LRMDA: variants seen among roughly 807,000 people sequenced by gnomAD.
LRMDA encodes leucine rich melanocyte differentiation associated.
Under a neutral mutation model 29.8 loss-of-function variants are expected in LRMDA, and 18 were observed. The observed-to-expected ratio is 0.60, with a 90% CI of 0.42 to 0.90. The LOEUF (loss-of-function observed/expected upper bound fraction) is 0.90, where lower values mean the gene tolerates loss of function less well. LRMDA is among the 40% of genes least tolerant of loss of function. LRMDA has a pLI of 0.00. For missense variants in LRMDA, 273 were observed against 273.9 expected, an observed-to-expected ratio of 1.00 and a Z score of 0.02; for synonymous variants, 125 against 109.4, an observed-to-expected ratio of 1.14 and a Z score of -0.89.
chr10:75,975,640 A>C (rs1477154011), intron 2 of LRMDA, among the ~76,000 whole-genome samples: 1 of 152,152 alleles, frequency 6.6e-6, no homozygotes, highest in Non-Finnish European at 1.5e-5. Flanking sequence ...TTGAACTCTG[A>C]ACGATGCACA....
chr10:75,726,509 C>T (rs867141160), intron 2 of LRMDA, among the ~76,000 whole-genome samples: 5 of 152,250 alleles, frequency 3.3e-5, no homozygotes, highest in Middle Eastern at 6.8e-3. Flanking sequence ...CTTGTTATGC[C>T]TGAGTGGTTT....
chr10:75,521,429 C>T (rs1218867585), intron 2 of LRMDA, among the ~76,000 whole-genome samples: 1 of 152,252 alleles, frequency 6.6e-6, no homozygotes, highest in Non-Finnish European at 1.5e-5. Flanking sequence ...ACGCCCCTCC[C>T]CCTGCCTGAC....
intron 2 of LRMDA, among the ~76,000 whole-genome samples, chr10:75,641,920 A>G (rs963003075): frequency 6.6e-6 from 1 of 152,182 alleles, no homozygotes; most frequent in South Asian, 2.1e-4. Flanking sequence ...TTGTCAGGCC[A>G]TGAAGTTTAA....
intron 2 of LRMDA, among the ~76,000 whole-genome samples, chr10:75,810,155 G>A (rs942230742): frequency 4.6e-5 from 7 of 152,362 alleles, no homozygotes; most frequent in African/African-American, 1.4e-4. Flanking sequence ...AGGGGCCAGC[G>A]TAGCTGGAGT....
At chr10:75,862,263 A>C (rs139074854) in intron 2 of LRMDA, among the ~76,000 whole-genome samples, 2 of 151,792 alleles carry the variant, frequency 1.3e-5, no homozygotes, top group Non-Finnish European at 1.5e-5. Flanking sequence ...CATATCTGAG[A>C]AGTTGGTGTT....
intron 5 of LRMDA, among the ~76,000 whole-genome samples, chr10:76,151,199 A>G (rs1169704034): frequency 3.3e-5 from 5 of 152,106 alleles, no homozygotes; most frequent in African/African-American, 7.2e-5. Context: ...GGTGACTTTT[A>G]CACCCTCCAG....
At chr10:75,930,397 A>G (rs1209679933) in intron 2 of LRMDA, among the ~76,000 whole-genome samples, 1 of 152,200 alleles carries the variant, frequency 6.6e-6, no homozygotes, top group Non-Finnish European at 1.5e-5. Context: ...ACTGCAGGTG[A>G]GAGCATAGAT....
chr10:76,406,637 T>C (rs1240083437), intron 6 of LRMDA, among the ~76,000 whole-genome samples: 1 of 152,138 alleles, frequency 6.6e-6, no homozygotes, highest in Non-Finnish European at 1.5e-5. Flanking sequence ...TAGAGTTGGC[T>C]ATGACATCTG....
At chr10:76,532,869 T>C (rs1429727829) in intron 6 of LRMDA, among the ~76,000 whole-genome samples, 1 of 152,164 alleles carries the variant, frequency 6.6e-6, no homozygotes, top group Admixed American at 6.5e-5. Flanking sequence ...AAAAGTTACA[T>C]TGCTTTAGTT....
intron 3 of LRMDA, among the ~76,000 whole-genome samples, chr10:76,042,913 C>T (rs1848364599): frequency 6.6e-6 from 1 of 152,132 alleles, no homozygotes; most frequent in Non-Finnish European, 1.5e-5. Context: ...TTACACATTT[C>T]TTTCATATAT....
At chr10:76,283,341 A>G (rs954392196) in intron 5 of LRMDA, among the ~76,000 whole-genome samples, 3 of 152,148 alleles carry the variant, frequency 2.0e-5, no homozygotes, top group Non-Finnish European at 2.9e-5. Flanking sequence ...GCCTTACACG[A>G]GTGGTGCACC....
chr10:75,890,512 AG>A (rs59650467), intron 2 of LRMDA, among the ~76,000 whole-genome samples: 27,511 of 152,196 alleles, frequency 0.18, 2,901 homozygotes, highest in Middle Eastern at 0.4. Context: ...AAGCCGATCC[AG>A]GGTTCTCAGA....
chr10:76,465,751 G>A (rs1033165466), intron 6 of LRMDA, among the ~76,000 whole-genome samples: 10 of 152,166 alleles, frequency 6.6e-5, no homozygotes, highest in African/African-American at 2.2e-4. Context: ...GAGGCTGGAA[G>A]CCTAAGATCA....
intron 2 of LRMDA, among the ~76,000 whole-genome samples, chr10:75,614,055 A>G (rs1841068675): frequency 6.6e-6 from 1 of 152,214 alleles, no homozygotes; most frequent in Non-Finnish European, 1.5e-5. Flanking sequence ...TTGAATGATT[A>G]CAGCCTGCAC....
intron 2 of LRMDA, among the ~76,000 whole-genome samples, chr10:75,633,830 A>T (rs1474913767): frequency 1.3e-5 from 2 of 152,240 alleles, no homozygotes; most frequent in African/African-American, 4.8e-5. Context: ...AACTGGGATT[A>T]CAGTAGACTA....
intron 2 of LRMDA, among the ~76,000 whole-genome samples, chr10:75,753,009 A>C (rs1842985916): frequency 1.3e-5 from 2 of 151,830 alleles, no homozygotes; most frequent in African/African-American, 4.9e-5. Flanking sequence ...GTGGTTTGAG[A>C]TTGTGTCTGA....
At chr10:75,765,999 C>T (rs933540460) in intron 2 of LRMDA, among the ~76,000 whole-genome samples, 4 of 152,090 alleles carry the variant, frequency 2.6e-5, no homozygotes, top group African/African-American at 7.2e-5. Flanking sequence ...GTGAGGAGGG[C>T]GTGGAGAACA....
At chr10:75,640,163 G>A (rs1385019082) in intron 2 of LRMDA, among the ~76,000 whole-genome samples, 3 of 151,598 alleles carry the variant, frequency 2.0e-5, no homozygotes, top group Admixed American at 6.6e-5. Context: ...TTTACATGGC[G>A]TTTAAAGGGA....
At chr10:76,199,295 T>A (rs1851386118) in intron 5 of LRMDA, among the ~76,000 whole-genome samples, 1 of 152,174 alleles carries the variant, frequency 6.6e-6, no homozygotes, top group East Asian at 1.9e-4. Flanking sequence ...ATTATGGTGT[T>A]TCTTGAGTGA....
Sources: gnomAD v4.1 joint callset for allele counts (sites outside exome capture counted in the v4.1 genomes callset) on GRCh38, gnomAD v4.1.1 for gene constraint, MANE v1.5 for transcripts, NCBI Gene and HGNC (gene_info 2026-07-23, HGNC 2026-07-21) for gene names.